Variants in PRKN observed in about 807,000 individuals in gnomAD.
PRKN encodes parkin RBR E3 ubiquitin protein ligase, also known as E3 ubiquitin-protein ligase parkin.
PRKN carries 56 observed loss-of-function variants against 59.5 expected under a neutral mutation model. The observed-to-expected ratio is 0.94, with a 90% confidence interval of 0.76 to 1.18. The LOEUF (loss-of-function observed/expected upper bound fraction) is 1.18. Ranked by LOEUF, PRKN falls within the 50% of genes most tolerant of loss-of-function variation. The pLI is 0.00. For missense variants in PRKN, 657 were observed against 596.4 expected, an observed-to-expected ratio of 1.10 and a Z score of -1.06; for synonymous variants, 250 against 222.1, an observed-to-expected ratio of 1.13 and a Z score of -1.12.
chr6:161,756,268 C>A (rs6906858), intron 7 of PRKN, among the ~76,000 whole-genome samples: 4 of 151,584 alleles, frequency 2.6e-5, no homozygotes, highest in Non-Finnish European at 4.4e-5. Context: ...ACGGTGAAAC[C>A]CTGTCTCTGC....
At chr6:161,715,026 C>A (rs11962671) in intron 7 of PRKN, among the ~76,000 whole-genome samples, 37,121 of 152,160 alleles carry the variant, frequency 0.24, 7,835 homozygotes, top group African/African-American at 0.58. Context: ...AAAACACTTT[C>A]ATAACCAGAG....
chr6:162,094,430 G>A (rs1779643836), intron 4 of PRKN, among the ~76,000 whole-genome samples: 1 of 152,166 alleles, frequency 6.6e-6, no homozygotes, highest in African/African-American at 2.4e-5. Flanking sequence ...GCTGCAGGCA[G>A]CTGTGTTTGT....
rs1787839642 is a variant in PRKN, at chr6:161,733,798, G to GTGTATA, written c.871+51973_871+51974insTATACA. On this transcript the variant is annotated intron_variant, in intron 7 of 11. Transcript: ENST00000366898. ...AAAAAAAAAAAATATATATATATAT[G>GTGTATA]TATATATATATATATATATATATGT... is the stretch of plus-strand genomic sequence containing the variant. Among the ~76,000 whole-genome samples the GTGTATA allele has an allele frequency of 5.9e-3, 725 of 122,314 alleles. 10 individuals carry two copies. Among genetic ancestry groups the GTGTATA allele is most frequent in the African/African-American group, 0.022 (690 of 30,984 alleles). The allele number at this position is 122,314 out of a possible 152,430, so 80.2% of individuals were successfully genotyped here.
At chr6:162,183,296 T>C (rs897372534) in intron 4 of PRKN, among the ~76,000 whole-genome samples, 51 of 152,170 alleles carry the variant, frequency 3.4e-4, no homozygotes, top group Admixed American at 3.1e-3. Context: ...GTTCTTCTGC[T>C]GCAGAACCCA....
In PRKN at chr6:161,899,818, A is replaced by G. The variant is rs2128234621; in HGVS notation, c.734+73484T>C. Among the ~76,000 whole-genome samples, 3 of 152,332 alleles carry G rather than the reference A, an allele frequency of 2.0e-5. 1 individual carries two copies. The South Asian group carries it at 6.2e-4, about 32-fold the overall frequency. On this transcript the variant is annotated intron_variant, in intron 6 of 11. Transcript: ENST00000366898. ...GGATTGAGTACAGCAGGGAAGTCATATATTTTAAAATATGGACAACCGGGC... is the reference window on the plus strand; with the variant it reads ...GGATTGAGTACAGCAGGGAAGTCATGTATTTTAAAATATGGACAACCGGGC...
rs563660792 is a variant in PRKN, at chr6:161,400,196, A to T, written c.1084-13319T>A. Among the ~76,000 whole-genome samples the T allele has an allele frequency of 6.6e-6, 1 of 152,262 alleles. No homozygotes were observed. The highest frequency in any genetic ancestry group is 2.1e-4 in the South Asian group (1 of 4,818). On this transcript the variant is annotated intron_variant, in intron 9 of 11. Transcript: ENST00000366898. This position sits in a 1 kb window ranked among gnomAD's most constrained non-coding sequence, Gnocchi z 4.2. Reference sequence around the variant, plus strand: ...TGTCTGAGGACTCCTTGCACGATGCAGAGTTCAGTTAAGGGTCCACAGAAC... The same window carrying T: ...TGTCTGAGGACTCCTTGCACGATGCTGAGTTCAGTTAAGGGTCCACAGAAC...
chr6:162,173,320 C>T (rs1783374653), intron 4 of PRKN, among the ~76,000 whole-genome samples: 1 of 152,136 alleles, frequency 6.6e-6, no homozygotes, highest in African/African-American at 2.4e-5. Context: ...CACGGACCAG[C>T]ACTCTAGATT....
intron 7 of PRKN, among the ~76,000 whole-genome samples, chr6:161,634,704 T>C (rs1202685512): frequency 2.0e-5 from 3 of 152,206 alleles, no homozygotes; most frequent in African/African-American, 7.2e-5. Context: ...GGAGATGCTC[T>C]GTCTTGGGCC....
At chr6:162,212,106 GA>G (rs1259002428) in intron 3 of PRKN, among the ~76,000 whole-genome samples, 1 of 152,084 alleles carries the variant, frequency 6.6e-6, no homozygotes, top group Non-Finnish European at 1.5e-5. Context: ...TCTATATCAT[GA>G]GTATCTCAGT....
intron 4 of PRKN, among the ~76,000 whole-genome samples, chr6:162,177,129 C>T (rs1279665708): frequency 1.3e-5 from 2 of 152,040 alleles, no homozygotes; most frequent in Admixed American, 1.3e-4. Context: ...CACAGGCACT[C>T]ACACCAAAAT....
At chr6:161,743,340 C>T (rs11751388) in intron 7 of PRKN, among the ~76,000 whole-genome samples, 43,591 of 149,400 alleles carry the variant, frequency 0.29, 6,565 homozygotes, top group Admixed American at 0.36. Context: ...CTGCCTCAGC[C>T]TCCCGAGCAG....
chr6:161,518,143 C>T lies in PRKN; in HGVS notation c.1083+30711G>A, dbSNP rs1010798014. Reference sequence around the variant, plus strand: ...ACTGGCCTGGGGATGGGGCCGGGGGCACTCACTGCCTCCCTCACTGGCAGC... The same window carrying T: ...ACTGGCCTGGGGATGGGGCCGGGGGTACTCACTGCCTCCCTCACTGGCAGC... On this transcript the variant is annotated intron_variant, in intron 9 of 11. Transcript: ENST00000366898. The surrounding 1 kb of genome is among the most constrained non-coding windows in gnomAD (Gnocchi z 5.0). Among the ~76,000 whole-genome samples, 1 of 152,072 alleles carries T rather than the reference C, an allele frequency of 6.6e-6. No individual in the cohort carries two copies. Among genetic ancestry groups the T allele is most frequent in the Non-Finnish European group, 1.5e-5 (1 of 68,008 alleles).
At chr6:161,757,933 G>GTGTGTGTATATATATATATATATA (rs1554301354) in intron 7 of PRKN, among the ~76,000 whole-genome samples, 16 of 101,438 alleles carry the variant, frequency 1.6e-4, no homozygotes, top group African/African-American at 5.3e-4. Context: ...CTCTCTCTCT[G>GTGTGTGTATATATATATATATATA]TATATATATG....
At position 161,999,285 on chromosome 6, in the gene PRKN, G is replaced by A. The variant is rs189394447; in HGVS notation, c.619-25868C>T. Among the ~76,000 whole-genome samples the A allele has an allele frequency of 7.2e-5, 11 of 152,146 alleles. 1 individual carries two copies. In the East Asian group the frequency reaches 1.2e-3, roughly 16 times the overall value. ...ATTGACAACCTGCTTGGGGTGGGGC[G>A]GAGGAGATGTCACTGCAATTGATTT... On this transcript the variant is annotated intron_variant, in intron 5 of 11. Coordinates refer to ENST00000366898, the MANE Select transcript of PRKN (RefSeq NM_004562.3).
chr6:162,374,771 A>G (rs180722703), intron 2 of PRKN, among the ~76,000 whole-genome samples: 58 of 152,192 alleles, frequency 3.8e-4, no homozygotes, highest in Non-Finnish European at 7.6e-4. Context: ...TTGAGAAAAT[A>G]TAGTATTTTG....
chr6:162,599,803 TAAC>T (rs1049704686), intron 1 of PRKN, among the ~76,000 whole-genome samples: 5 of 152,020 alleles, frequency 3.3e-5, no homozygotes, highest in African/African-American at 9.7e-5. Flanking sequence ...ACAACAATAG[TAAC>T]AACAAAACAG....
At chr6:162,641,246 C>T (rs1777946789) in intron 1 of PRKN, among the ~76,000 whole-genome samples, 1 of 151,896 alleles carries the variant, frequency 6.6e-6, no homozygotes, top group African/African-American at 2.4e-5. Flanking sequence ...GAAACAAACC[C>T]AATTATTTCT....
intron 7 of PRKN, among the ~76,000 whole-genome samples, chr6:161,728,510 A>G (rs1787543552): frequency 6.6e-6 from 1 of 152,160 alleles, no homozygotes; most frequent in Non-Finnish European, 1.5e-5. Context: ...AGTAGAATAT[A>G]TAGCAGGAGA....
At chr6:161,944,229 T>A (rs750823204) in intron 6 of PRKN, among the ~76,000 whole-genome samples, 4 of 152,192 alleles carry the variant, frequency 2.6e-5, no homozygotes, top group African/African-American at 4.8e-5. Context: ...GCCCATAATC[T>A]GTTTTTTGAT....
Sources: allele counts gnomAD v4.1 joint callset (sites outside exome capture counted in the v4.1 genomes callset), GRCh38; gene constraint gnomAD v4.1.1; non-coding constraint Gnocchi (gnomAD v3.1); transcripts MANE v1.5; gene names NCBI Gene and HGNC (gene_info 2026-07-23, HGNC 2026-07-21).